Variants in BRCA2 observed in about 807,000 individuals in gnomAD.
The protein encoded by BRCA2 is breast cancer type 2 susceptibility protein.
A neutral mutation model predicts 276.7 loss-of-function variants in BRCA2; 203 were observed. The ratio of observed to expected loss-of-function variants is 0.73; its 90% CI spans 0.65 to 0.82. BRCA2 has a LOEUF of 0.82. Ranked by LOEUF, BRCA2 falls within the 40% of genes least tolerant of loss-of-function variation. The pLI is 0.00. For missense variants in BRCA2, 3,920 were observed against 3,915.0 expected (o/e 1.00, Z -0.03); for synonymous variants, 1,289 against 1,338.4 (o/e 0.96, Z 0.81).
At chr13:32,382,168 G>C (rs1162471743) in intron 24 of BRCA2, among the ~76,000 whole-genome samples, 1 of 152,062 alleles carries the variant, frequency 6.6e-6, no homozygotes, top group Non-Finnish European at 1.5e-5. Flanking sequence ...TAGCCAGAAT[G>C]GTCTCGATCT....
chr13:32,316,337 T>C (rs2138697303), intron 1 of BRCA2, 85 bp from the exon 2 acceptor site: 2 of 869,290 alleles, frequency 2.3e-6, no homozygotes, highest in East Asian at 5.3e-5. Flanking sequence ...TTCAAACAAA[T>C]TTTCCAGCGC....
chr13:32,346,886 G>GT lies in BRCA2; in HGVS notation c.6998dup (p.Pro2334ThrfsTer6), dbSNP rs754611265. On this transcript the variant is annotated frameshift_variant, in exon 13 of 27. Coordinates refer to ENST00000380152, the MANE Select transcript of BRCA2 (RefSeq NM_000059.4). LOFTEE classifies it high-confidence loss of function. Reference sequence around the variant, plus strand: ...TGTTTCTTTAGAGCCGATTACCTGTGTACCCTTTCGGTAAGACATGTTTAA... The same window carrying GT: ...TGTTTCTTTAGAGCCGATTACCTGTGTTACCCTTTCGGTAAGACATGTTTAA... 3 of 1,607,758 alleles carry GT rather than the reference G, an allele frequency of 1.9e-6. No individual in the cohort carries two copies. Among genetic ancestry groups the GT allele is most frequent in the Non-Finnish European group, 2.5e-6 (3 of 1,176,670 alleles).
At chr13:32,330,614 G>A (rs1457443338) in intron 8 of BRCA2, among the ~76,000 whole-genome samples, 1 of 152,110 alleles carries the variant, frequency 6.6e-6, no homozygotes, top group Non-Finnish European at 1.5e-5. Flanking sequence ...CTGGACAAAG[G>A]GATGATTCAT....
intron 18 of BRCA2, among the ~76,000 whole-genome samples, chr13:32,368,217 T>C (rs1489579138): frequency 1.3e-5 from 2 of 151,768 alleles, no homozygotes; most frequent in Admixed American, 1.3e-4. Flanking sequence ...AGACAGGGCT[T>C]CACTATGTTG....
chr13:32,385,400 C>A, intron 24 of BRCA2: 1 of 217,020 alleles, frequency 4.6e-6, no homozygotes, highest in Admixed American at 4.2e-5. Flanking sequence ...CTGGCCAATA[C>A]GTCCATGCAG....
chr13:32,360,327 T>C (rs1489505955), intron 16 of BRCA2, among the ~76,000 whole-genome samples: 1 of 152,198 alleles, frequency 6.6e-6, no homozygotes, highest in African/African-American at 2.4e-5. Context: ...GCACGATTTT[T>C]ACTGAATAAA....
chr13:32,317,555 T>C (rs2072272740), intron 2 of BRCA2, among the ~76,000 whole-genome samples: 1 of 152,240 alleles, frequency 6.6e-6, no homozygotes, highest in Non-Finnish European at 1.5e-5. Flanking sequence ...CTTTCCCATG[T>C]CGCAACATCA....
At chr13:32,363,874 A>G (rs1428570080) in intron 18 of BRCA2, among the ~76,000 whole-genome samples, 2 of 152,210 alleles carry the variant, frequency 1.3e-5, no homozygotes, top group African/African-American at 4.8e-5. Context: ...ACATTTTAGT[A>G]CTTTTCAAAT....
intron 3 of BRCA2, among the ~76,000 whole-genome samples, chr13:32,320,164 CA>C (rs2072297170): frequency 6.6e-6 from 1 of 152,050 alleles, no homozygotes; most frequent in South Asian, 2.1e-4. Flanking sequence ...ATAGACAAGG[CA>C]AAAAGGCAGA....
rs1364927725 is a variant in BRCA2 at position 32,355,148 on chromosome 13, G to A, written c.7295G>A (p.Arg2432Lys). ...CVRNINLEEN[R>K]QKQNIDGHGS... ...AGGAATATTAACTTGGAGGAAAACA[G>A]ACAAAAGCAAAACATTGATGGACAT... The change falls in exon 14 of 27, where the codon AGA becomes AAA. Residue 2432 changes from arginine to lysine, a missense_variant. Around this residue, in one of 2 missense-constraint regions of BRCA2, gnomAD observed 3,263 missense variants for 3,156.9 expected, o/e 1.03. Coordinates refer to ENST00000380152, the MANE Select transcript of BRCA2 (RefSeq NM_000059.4). The A allele has an allele frequency of 6.2e-7, 1 of 1,613,418 alleles. No individual in the cohort carries two copies. The highest frequency in any genetic ancestry group is 8.5e-7 in the Non-Finnish European group (1 of 1,179,730).
intron 24 of BRCA2, among the ~76,000 whole-genome samples, chr13:32,383,252 C>A (rs1040709922): frequency 6.7e-6 from 1 of 150,084 alleles, no homozygotes; most frequent in African/African-American, 2.4e-5. Flanking sequence ...CTCAGCTACT[C>A]GGGAGGCAGA....
Position 32,338,988 on chromosome 13 carries a change from CT to C in BRCA2, c.4638del (p.Phe1546LeufsTer22), listed in dbSNP as rs80359462. ...GGAATCTTTGGACAAAGTGAAAAACCTTTTTGATGAAAAAGAGCAAGGTACT... is the reference window on the plus strand; with the variant it reads ...GGAATCTTTGGACAAAGTGAAAAACCTTTTGATGAAAAAGAGCAAGGTACT... ...AKESLDKVKN[L>X]FDEKEQGTSE... On this transcript the variant is annotated frameshift_variant, in exon 11 of 27. Coordinates refer to ENST00000380152, the MANE Select transcript of BRCA2 (RefSeq NM_000059.4). LOFTEE classifies it high-confidence loss of function. The C allele has an allele frequency of 9.3e-6, 15 of 1,613,352 alleles. No individual in the cohort carries two copies. The highest frequency in any genetic ancestry group is 1.1e-5 in the Non-Finnish European group (13 of 1,179,798).
intron 9 of BRCA2, 138 bp downstream of exon 9, chr13:32,331,168 G>A: frequency 6.1e-6 from 4 of 660,550 alleles, no homozygotes; most frequent in Middle Eastern, 4.1e-4. Flanking sequence ...AAGCGATCCT[G>A]CCTCAGCTTG....
At chr13:32,394,571 T>A in intron 24 of BRCA2, 118 bp from the exon 25 acceptor site, 2 of 1,281,754 alleles carry the variant, frequency 1.6e-6, no homozygotes, top group Admixed American at 2.6e-5. Flanking sequence ...CTATTTTGAT[T>A]TGCTTTTATT....
At chr13:32,369,642 C>T (rs542894570) in intron 18 of BRCA2, among the ~76,000 whole-genome samples, 44 of 152,256 alleles carry the variant, frequency 2.9e-4, no homozygotes, top group African/African-American at 1.0e-3. Flanking sequence ...GGCACAATCT[C>T]GGCTCACTGC....
In BRCA2 at chr13:32,399,786, C is replaced by CTT. The variant is rs35930474; in HGVS notation, c.*1030_*1031dup. On this transcript the variant is annotated 3_prime_UTR_variant, in exon 27 of 27. Coordinates refer to ENST00000380152, the MANE Select transcript of BRCA2 (RefSeq NM_000059.4). ...AGATGATACTCTCATTTGTTACGTC[C>CTT]TTTTTTTTTTTTTTTGGAGATGGAG... 44 of 139,274 alleles carry CTT rather than the reference C, an allele frequency of 3.2e-4. No individual in the cohort carries two copies. Among genetic ancestry groups the CTT allele is most frequent in the Admixed American group, 5.0e-4 (7 of 13,892 alleles). The allele number at this position is 139,274 out of a possible 1,614,324, so 8.6% of individuals were successfully genotyped here. A position where few individuals can be genotyped will look rare whatever the true frequency, so the allele number is the denominator to read the frequency against.
intron 11 of BRCA2, among the ~76,000 whole-genome samples, 196 bp from the exon 12 acceptor site, chr13:32,344,362 A>T (rs1265183370): frequency 6.6e-6 from 1 of 152,098 alleles, no homozygotes; most frequent in African/African-American, 2.4e-5. Flanking sequence ...TAAAGTGGTC[A>T]AAACAGAACA....
Position 32,339,470 on chromosome 13 carries a change from A to G in BRCA2, c.5115A>G (p.Ile1705Met), listed in dbSNP as rs878853588. The G allele has an allele frequency of 8.8e-6, 14 of 1,587,254 alleles. No homozygotes were observed. In the South Asian group the frequency reaches 1.6e-4, roughly 18 times the overall value. ...TATTTGATGGTCAACCAGAAAGAAT[A>G]AATACTGCAGATTATGTAGGAAATT... ...EGIFDGQPER[I>M]NTADYVGNYL... is the part of the protein sequence containing the mutation. The change falls in exon 11 of 27, where the codon ATA becomes ATG. Residue 1705 changes from isoleucine (I) to methionine (M), a missense_variant. Around this residue, in one of 2 missense-constraint regions of BRCA2, gnomAD observed 3,263 missense variants for 3,156.9 expected, o/e 1.03. Coordinates refer to ENST00000380152, the MANE Select transcript of BRCA2 (RefSeq NM_000059.4).
In BRCA2 at chr13:32,357,907, G is replaced by C; in HGVS notation, c.7783G>C (p.Ala2595Pro). The C allele has an allele frequency of 6.2e-7, 1 of 1,614,090 alleles. No homozygotes were observed. The highest frequency in any genetic ancestry group is 8.5e-7 in the Non-Finnish European group (1 of 1,179,998). Residue 2595 changes from alanine to proline, a missense_variant, in exon 16 of 27, where the codon GCT becomes CCT. Transcript: ENST00000380152. Reference sequence around the variant, plus strand: ...GCTCATACCCTCCAATGATGGAAAGGCTGGAAAAGAAGAATTTTATAGGTA... The same window carrying C: ...GCTCATACCCTCCAATGATGGAAAGCCTGGAAAAGAAGAATTTTATAGGTA... ...GWLIPSNDGK[A>P]GKEEFYRALC...
Sources: allele counts gnomAD v4.1 joint callset (sites outside exome capture counted in the v4.1 genomes callset), GRCh38; gene constraint gnomAD v4.1.1; regional missense constraint gnomAD v4.1.1; transcripts MANE v1.5; gene names NCBI Gene and HGNC (gene_info 2026-07-23, HGNC 2026-07-21).